Variants in OGN observed in about 807,000 individuals in gnomAD.
The protein encoded by OGN is osteoglycin.
A neutral mutation model predicts 30.8 loss-of-function variants in OGN; 19 were observed. That is an observed-to-expected ratio of 0.62 (90% CI 0.43 to 0.90). The LOEUF (loss-of-function observed/expected upper bound fraction) is 0.90. OGN is among the 40% of genes least tolerant of loss of function. The pLI is 0.00. For synonymous variants in OGN, 126 were observed against 128.3 expected (o/e 0.98, Z 0.12); for missense variants, 283 against 349.7 (o/e 0.81, Z 1.52).
intron 3 of OGN, among the ~76,000 whole-genome samples, chr9:92,396,523 T>C (rs1842897104): frequency 1.3e-5 from 2 of 152,018 alleles, no homozygotes; most frequent in South Asian, 4.1e-4. Context: ...TATTTTCTCT[T>C]AGCAGCGTTA....
intron 4 of OGN, among the ~76,000 whole-genome samples, chr9:92,392,617 G>A (rs1351225865): frequency 6.6e-6 from 1 of 151,198 alleles, no homozygotes; most frequent in Non-Finnish European, 1.5e-5. Flanking sequence ...TCCATGTCGG[G>A]TTGGGGGGAG....
intron 6 of OGN, 124 bp from the exon 7 acceptor site, chr9:92,385,914 A>C (rs955673332): frequency 1.2e-6 from 1 of 854,686 alleles, no homozygotes; most frequent in Non-Finnish European, 1.8e-6. Flanking sequence ...CCTTGTGTCA[A>C]ATTAATTAGG....
chr9:92,383,958 A>G lies in OGN; in HGVS notation c.*1662T>C, dbSNP rs937116047. ...TAAAGATTCAATTTTTCCAAATAAAACAGAACCCTTCTATTTAGATGGATT... is the reference window on the plus strand; with the variant it reads ...TAAAGATTCAATTTTTCCAAATAAAGCAGAACCCTTCTATTTAGATGGATT... On this transcript the variant is annotated 3_prime_UTR_variant, in exon 7 of 7. Coordinates refer to ENST00000375561, the MANE Select transcript of OGN (RefSeq NM_014057.5). The G allele has an allele frequency of 1.6e-4, 24 of 152,168 alleles. No individual in the cohort carries two copies. The highest frequency in any genetic ancestry group is 5.8e-4 in the African/African-American group (24 of 41,454). 9.4% of individuals were successfully genotyped at this position (152,168 alleles called of 1,614,324 possible).
chr9:92,404,511 G>A lies in OGN; in HGVS notation c.-91C>T. The A allele has an allele frequency of 7.7e-7, 1 of 1,293,672 alleles. No individual in the cohort carries two copies. Among genetic ancestry groups the A allele is most frequent in the Non-Finnish European group, 1.0e-6 (1 of 986,622 alleles). The allele number at this position is 1,293,672 out of a possible 1,614,324, so 80.1% of individuals were successfully genotyped here. On this transcript the variant is annotated 5_prime_UTR_variant, in exon 1 of 7. Transcript: ENST00000375561. The stretch of plus-strand genomic sequence containing the variant: ...GTAAGCCTACCGTTGTAGCTGTTTT[G>A]AAGTTTTTTGTGGTTTTCCTCAATA...
Position 92,384,338 on chromosome 9 carries a change from T to G in OGN, c.*1282A>C, listed in dbSNP as rs1238208068. 1.3e-5 allele frequency: 2 copies of G among 152,126 alleles called. No homozygotes were observed. The highest frequency in any genetic ancestry group is 2.9e-5 in the Non-Finnish European group (2 of 67,998). The allele number at this position is 152,126 out of a possible 1,614,324, so 9.4% of individuals were successfully genotyped here. ...GCAAATGCTTAAAAATGGGAATAAGTATGTATTCTGTACACAGAGACAACT... is the reference window on the plus strand; with the variant it reads ...GCAAATGCTTAAAAATGGGAATAAGGATGTATTCTGTACACAGAGACAACT... On this transcript the variant is annotated 3_prime_UTR_variant, in exon 7 of 7. Coordinates refer to ENST00000375561, the MANE Select transcript of OGN (RefSeq NM_014057.5).
intron 5 of OGN, among the ~76,000 whole-genome samples, chr9:92,386,578 T>G (rs941828916): frequency 1.5e-4 from 23 of 152,160 alleles, no homozygotes; most frequent in Non-Finnish European, 2.9e-4. Context: ...CCGGCTCTAA[T>G]GCCAACTTCT....
rs1421336507 is a variant in OGN, at chr9:92,383,374, T to A, written c.*2246A>T. ...TGATGGCAACTGTGTTCAGTCTGCATATCATATTGGATAGTATTGTTGTCT... is the reference window on the plus strand; with the variant it reads ...TGATGGCAACTGTGTTCAGTCTGCAAATCATATTGGATAGTATTGTTGTCT... On this transcript the variant is annotated 3_prime_UTR_variant, in exon 7 of 7. Coordinates refer to ENST00000375561, the MANE Select transcript of OGN (RefSeq NM_014057.5). Among the ~76,000 whole-genome samples the A allele has an allele frequency of 6.6e-6, 1 of 152,234 alleles. No individual in the cohort carries two copies. The highest frequency in any genetic ancestry group is 1.9e-4 in the East Asian group (1 of 5,206).
Position 92,390,025 on chromosome 9 carries a change from A to G in OGN, c.459T>C (p.Asn153=), listed in dbSNP as rs1299294337. 3 of 1,604,520 alleles carry G rather than the reference A, an allele frequency of 1.9e-6. No individual in the cohort carries two copies. Among genetic ancestry groups the G allele is most frequent in the Non-Finnish European group, 2.6e-6 (3 of 1,173,424 alleles). ...PNLRRLDFTG[N]LIEDIEDGTF... is the part of the protein sequence containing the mutation. ...TACCATCTTCTATATCTTCTATCAA[A>G]TTTCCTGTAAAATCGAGTCTTCTTA... Residue 153 remains asparagine, a synonymous_variant, in exon 5 of 7, where the codon AAT becomes AAC. Coordinates refer to ENST00000375561, the MANE Select transcript of OGN (RefSeq NM_014057.5).
intron 3 of OGN, among the ~76,000 whole-genome samples, chr9:92,394,737 C>T (rs757591819): frequency 6.0e-5 from 9 of 151,220 alleles, no homozygotes; most frequent in South Asian, 4.2e-4. Context: ...CCCAAGTATC[C>T]GGGATTACAG....
At position 92,390,023 on chromosome 9, in the gene OGN, A is replaced by G; in HGVS notation, c.461T>C (p.Leu154Ser). Residue 154 changes from leucine to serine, a missense_variant, in exon 5 of 7, where the codon TTG becomes TCG. Transcript: ENST00000375561. ...NLRRLDFTGN[L>S]IEDIEDGTFS... Reference sequence around the variant, plus strand: ...AGTACCATCTTCTATATCTTCTATCAAATTTCCTGTAAAATCGAGTCTTCT... The same window carrying G: ...AGTACCATCTTCTATATCTTCTATCGAATTTCCTGTAAAATCGAGTCTTCT... 1 of 1,605,160 alleles carries G rather than the reference A, an allele frequency of 6.2e-7. No homozygotes were observed. Among genetic ancestry groups the G allele is most frequent in the Non-Finnish European group, 8.5e-7 (1 of 1,173,836 alleles).
chr9:92,391,134 C>T (rs1186892536), intron 4 of OGN, among the ~76,000 whole-genome samples: 3 of 151,412 alleles, frequency 2.0e-5, no homozygotes, highest in Non-Finnish European at 2.9e-5. Context: ...CGGTGGCTCA[C>T]ACCTGTAATC....
chr9:92,385,602 A>G lies in OGN; in HGVS notation c.*18T>C, dbSNP rs180995633. The G allele has an allele frequency of 3.7e-6, 6 of 1,607,162 alleles. No homozygotes were observed. In the East Asian group the frequency reaches 1.3e-4, roughly 36 times the overall value. ...TTAGTGTAGGTGTACTTTCATTTAT[A>G]TGTTGTACCAATAGAGGTTAAAAGT... On this transcript the variant is annotated 3_prime_UTR_variant, in exon 7 of 7. Transcript: ENST00000375561.
At chr9:92,402,680 T>A (rs1843166733) in intron 2 of OGN, among the ~76,000 whole-genome samples, 1 of 152,208 alleles carries the variant, frequency 6.6e-6, no homozygotes, top group South Asian at 2.1e-4. Flanking sequence ...GGGTCTAAAC[T>A]GTTAAAATTG....
intron 3 of OGN, among the ~76,000 whole-genome samples, chr9:92,398,506 A>G (rs1842982966): frequency 6.6e-6 from 1 of 151,684 alleles, no homozygotes; most frequent in Non-Finnish European, 1.5e-5. Flanking sequence ...TCTTTCTTAC[A>G]TGAAAGACAG....
chr9:92,397,116 G>A (rs2130915256), intron 3 of OGN, among the ~76,000 whole-genome samples: 1 of 152,074 alleles, frequency 6.6e-6, no homozygotes, highest in Middle Eastern at 3.4e-3. Context: ...GGTCAAGACT[G>A]CAGTGAGCCA....
In OGN at chr9:92,385,706, G is replaced by A. The variant is rs1046079460; in HGVS notation, c.811C>T (p.Arg271Cys). 1.6e-5 allele frequency: 26 copies of A among 1,613,956 alleles called. No homozygotes were observed. The highest frequency in any genetic ancestry group is 1.6e-4 in the Middle Eastern group (1 of 6,084). Residue 271 changes from arginine (R) to cysteine (C), a missense_variant, in exon 7 of 7, where the codon CGC (arginine) becomes TGC (cysteine). By Grantham distance (180) the Arg-to-Cys change is radical. Coordinates refer to ENST00000375561, the MANE Select transcript of OGN (RefSeq NM_014057.5). ...SYIRDRIEEI[R>C]LEGNPIVLGK... Reference sequence around the variant, plus strand: ...AGGACGATTGGATTGCCCTCCAGGCGTATCTCTTCAATGCGGTCCCGGATG... The same window carrying A: ...AGGACGATTGGATTGCCCTCCAGGCATATCTCTTCAATGCGGTCCCGGATG...
rs1218069376 is a variant in OGN at position 92,384,662 on chromosome 9, T to C, written c.*958A>G. The C allele has an allele frequency of 1.3e-5, 2 of 152,152 alleles. No homozygotes were observed. Among genetic ancestry groups the C allele is most frequent in the Non-Finnish European group, 2.9e-5 (2 of 68,008 alleles). 9.4% of individuals were successfully genotyped at this position (152,152 alleles called of 1,614,324 possible). ...GAAGCTTTATTGTGAATATTCAGTT[T>C]GTTACAGTGAACATGGATGTGTATG... On this transcript the variant is annotated 3_prime_UTR_variant, in exon 7 of 7. Coordinates refer to ENST00000375561, the MANE Select transcript of OGN (RefSeq NM_014057.5).
intron 3 of OGN, among the ~76,000 whole-genome samples, chr9:92,397,646 A>G (rs909836985): frequency 6.6e-6 from 1 of 152,232 alleles, no homozygotes; most frequent in East Asian, 1.9e-4. Context: ...GGTTTCTTTT[A>G]GTGGAGAATG....
intron 3 of OGN, among the ~76,000 whole-genome samples, chr9:92,397,762 T>C (rs1842949247): frequency 6.6e-6 from 1 of 152,232 alleles, no homozygotes; most frequent in South Asian, 2.1e-4. Flanking sequence ...TGTGTGTGTT[T>C]ATTTGTCTCT....
Sources: gnomAD v4.1 joint callset for allele counts (sites outside exome capture counted in the v4.1 genomes callset) on GRCh38, gnomAD v4.1.1 for gene constraint, MANE v1.5 for transcripts, NCBI Gene and HGNC (gene_info 2026-07-23, HGNC 2026-07-21) for gene names.